MSI2: variants seen among roughly 807,000 people sequenced by gnomAD.
The protein encoded by MSI2 is RNA-binding protein Musashi homolog 2.
MSI2 carries 17 observed loss-of-function variants against 45.6 expected under a neutral mutation model. The ratio of observed to expected loss-of-function variants is 0.37; its 90% confidence interval spans 0.26 to 0.56. The LOEUF (loss-of-function observed/expected upper bound fraction) is 0.56. Among genes scored for constraint, MSI2 ranks in the 20% least tolerant of loss-of-function variants. The pLI is 0.77. For missense variants in MSI2, 293 were observed against 444.2 expected, an observed-to-expected ratio of 0.66 and a Z score of 3.06; for synonymous variants, 156 against 158.2, an observed-to-expected ratio of 0.99 and a Z score of 0.11.
chr17:57,682,522 C>A lies in MSI2; in HGVS notation c.*3005C>A. 4.8e-6 allele frequency: 1 copy of A among 207,256 alleles called. No individual in the cohort carries two copies. The highest frequency in any genetic ancestry group is 1.9e-4 in the South Asian group (1 of 5,308). 12.8% of individuals were successfully genotyped at this position (207,256 alleles called of 1,614,324 possible). A position where few individuals can be genotyped will look rare whatever the true frequency, so the allele number is the denominator to read the frequency against. Reference sequence around the variant, plus strand: ...TGAATATGTTTTAGATGTTTATATACCTTTTGAAGAGACCCAGTAGCCCAT... The same window carrying A: ...TGAATATGTTTTAGATGTTTATATAACTTTTGAAGAGACCCAGTAGCCCAT... On this transcript the variant is annotated 3_prime_UTR_variant, in exon 14 of 14. Coordinates refer to ENST00000284073, the MANE Select transcript of MSI2 (RefSeq NM_138962.4).
chr17:57,490,370 C>T (rs1476466513), intron 6 of MSI2, among the ~76,000 whole-genome samples: 1 of 152,186 alleles, frequency 6.6e-6, no homozygotes, highest in Non-Finnish European at 1.5e-5. Context: ...GCTACAGTGC[C>T]AAAAGGCTTG....
intron 6 of MSI2, among the ~76,000 whole-genome samples, chr17:57,473,612 G>T (rs546514440): frequency 6.6e-6 from 1 of 152,306 alleles, no homozygotes; most frequent in East Asian, 1.9e-4. Context: ...TTGTTTCTGT[G>T]GGGAGGGTAT....
intron 7 of MSI2, among the ~76,000 whole-genome samples, chr17:57,581,415 C>T (rs751440407): frequency 9.2e-5 from 14 of 152,128 alleles, no homozygotes; most frequent in African/African-American, 1.7e-4. Flanking sequence ...AGGATTTCTA[C>T]GATGTCCTCG....
At chr17:57,488,998 C>G (rs191837383) in intron 6 of MSI2, among the ~76,000 whole-genome samples, 121 of 152,194 alleles carry the variant, frequency 8.0e-4, no homozygotes, top group African/African-American at 2.7e-3. Context: ...GGCAGTGTCC[C>G]GAGGCCTTCA....
chr17:57,518,499 C>T (rs998876490), intron 6 of MSI2, among the ~76,000 whole-genome samples: 4 of 152,224 alleles, frequency 2.6e-5, no homozygotes, highest in Non-Finnish European at 5.9e-5. Context: ...CATTTTCACA[C>T]TTGGTAATTA....
chr17:57,300,182 C>G (rs1291504873), intron 5 of MSI2, among the ~76,000 whole-genome samples: 1 of 152,156 alleles, frequency 6.6e-6, no homozygotes, highest in African/African-American at 2.4e-5. Flanking sequence ...CTGTCATTCT[C>G]CTCTAAGGAC....
At chr17:57,363,756 GCAA>G (rs1176973308) in intron 5 of MSI2, among the ~76,000 whole-genome samples, 3 of 148,934 alleles carry the variant, frequency 2.0e-5, no homozygotes, top group South Asian at 2.1e-4. Flanking sequence ...AACAGCAGCA[GCAA>G]CAACAACAAC....
At chr17:57,257,650 C>G (rs1417796601) in intron 3 of MSI2, 103 bp downstream of exon 3, 3 of 807,072 alleles carry the variant, frequency 3.7e-6, no homozygotes, top group Non-Finnish European at 4.0e-6. Context: ...GAATGGGGCT[C>G]AGGCGCGTGG....
chr17:57,502,466 G>A (rs1253306800), intron 6 of MSI2, among the ~76,000 whole-genome samples: 1 of 151,622 alleles, frequency 6.6e-6, no homozygotes, highest in Non-Finnish European at 1.5e-5. Flanking sequence ...GGTGTAATGT[G>A]TGAATTGAAC....
intron 5 of MSI2, chr17:57,268,522 A>G (rs1007214047): frequency 1.3e-5 from 2 of 148,238 alleles, no homozygotes; most frequent in African/African-American, 2.6e-5. Context: ...GGACACAAGC[A>G]TATTTTACTA....
chr17:57,650,148 T>C (rs987728166), intron 10 of MSI2, among the ~76,000 whole-genome samples: 2 of 152,118 alleles, frequency 1.3e-5, no homozygotes, highest in African/African-American at 4.8e-5. Context: ...ATGCACTCAA[T>C]TCCAGAAAAT....
chr17:57,287,695 C>G (rs1469459986), intron 5 of MSI2, among the ~76,000 whole-genome samples: 1 of 152,196 alleles, frequency 6.6e-6, no homozygotes, highest in Admixed American at 6.5e-5. Flanking sequence ...TTGAAACCTT[C>G]GCAAACTGCA....
chr17:57,536,995 A>C (rs1438881169), intron 7 of MSI2, among the ~76,000 whole-genome samples: 3 of 152,202 alleles, frequency 2.0e-5, no homozygotes, highest in Non-Finnish European at 4.4e-5. Context: ...GTAGAAACTC[A>C]ATATGATTGA....
intron 7 of MSI2, among the ~76,000 whole-genome samples, chr17:57,580,742 C>G (rs961409123): frequency 2.0e-5 from 3 of 152,182 alleles, no homozygotes; most frequent in Admixed American, 6.5e-5. Flanking sequence ...CCAGTTTGCA[C>G]TGGAGACGAC....
intron 7 of MSI2, among the ~76,000 whole-genome samples, chr17:57,554,784 A>G (rs2087392299): frequency 6.6e-6 from 1 of 152,258 alleles, no homozygotes; most frequent in South Asian, 2.1e-4. Context: ...ACAGCCAATG[A>G]CAGAGCTAGG....
At chr17:57,632,057 CT>C in intron 10 of MSI2, 1 of 1,336,540 alleles carries the variant, frequency 7.5e-7, no homozygotes. Context: ...CACTTTGCTT[CT>C]TGTATGCATT....
At chr17:57,656,847 C>G (rs1303870980) in intron 11 of MSI2, among the ~76,000 whole-genome samples, 4 of 152,214 alleles carry the variant, frequency 2.6e-5, no homozygotes, top group Non-Finnish European at 1.5e-5. Context: ...TGCCAGTCAT[C>G]TTTGGACATG....
chr17:57,470,679 G>C (rs1035471722), intron 6 of MSI2, among the ~76,000 whole-genome samples: 3 of 152,228 alleles, frequency 2.0e-5, no homozygotes, highest in African/African-American at 7.2e-5. Context: ...CACTGGGGCG[G>C]CATCAGCCTT....
intron 6 of MSI2, among the ~76,000 whole-genome samples, chr17:57,402,243 G>T (rs959144297): frequency 2.0e-5 from 3 of 152,186 alleles, no homozygotes; most frequent in Non-Finnish European, 4.4e-5. Flanking sequence ...TGGCCCTGTT[G>T]CCTTAGGAGG....
Sources: gnomAD v4.1 joint callset for allele counts (sites outside exome capture counted in the v4.1 genomes callset) on GRCh38, gnomAD v4.1.1 for gene constraint, MANE v1.5 for transcripts, NCBI Gene and HGNC (gene_info 2026-07-23, HGNC 2026-07-21) for gene names.